Variants in SMG6 observed in about 807,000 individuals in gnomAD.
SMG6 encodes telomerase-binding protein EST1A.
Under a neutral mutation model 142.2 loss-of-function variants are expected in SMG6, and 66 were observed. The ratio of observed to expected loss-of-function variants is 0.46; its 90% CI spans 0.38 to 0.57. The LOEUF is 0.57. SMG6 is among the 20% of genes least tolerant of loss of function. The pLI, the probability that SMG6 is intolerant of heterozygous loss-of-function variation, is 0.00. For missense variants in SMG6, 1,793 were observed against 1,832.0 expected (o/e 0.98, Z 0.39); for synonymous variants, 779 against 702.4 (o/e 1.11, Z -1.72).
At chr17:2,301,524 G>A (rs943170813) in intron 1 of SMG6, among the ~76,000 whole-genome samples, 1 of 152,192 alleles carries the variant, frequency 6.6e-6, no homozygotes. Context: ...GGGAACTCAA[G>A]AATTAAGAAT....
intron 13 of SMG6, among the ~76,000 whole-genome samples, chr17:2,141,634 G>C (rs1279260661): frequency 2.0e-5 from 3 of 152,184 alleles, no homozygotes; most frequent in East Asian, 3.9e-4. Context: ...TGCAGAGGCA[G>C]GGTCTTGCTA....
At chr17:2,197,285 C>T (rs1219266025) in intron 10 of SMG6, among the ~76,000 whole-genome samples, 1 of 152,122 alleles carries the variant, frequency 6.6e-6, no homozygotes, top group Non-Finnish European at 1.5e-5. Flanking sequence ...AAAACCTGGC[C>T]AGGCGCGGTG....
chr17:2,156,402 A>G (rs1175329276), intron 13 of SMG6, among the ~76,000 whole-genome samples: 1 of 131,128 alleles, frequency 7.6e-6, no homozygotes, highest in Non-Finnish European at 1.8e-5. Flanking sequence ...TCAAAAAAAA[A>G]AAAAAAAAAA....
At position 2,297,250 on chromosome 17, in the gene SMG6, C is replaced by T. The variant is rs754940772; in HGVS notation, c.2144G>A (p.Arg715His). 1.9e-6 allele frequency: 3 copies of T among 1,600,814 alleles called. No individual in the cohort carries two copies. Among genetic ancestry groups the T allele is most frequent in the Admixed American group, 1.8e-5 (1 of 56,576 alleles). The change falls in exon 4 of 19, where the codon CGC becomes CAC. Residue 715 changes from arginine to histidine, a missense_variant. By Grantham distance (29) the Arg-to-His change is conservative (BLOSUM62 0). Transcript: ENST00000263073. ...ATAAAGAAGGTAGCTTACTGTCTTG[C>T]GTAATGGCTTGCTGCGAATGGCAAG... ...DGLAIRSKPL[R>H]KTVKYALISA...
At chr17:2,213,507 C>G (rs1399983277) in intron 10 of SMG6, among the ~76,000 whole-genome samples, 1 of 152,096 alleles carries the variant, frequency 6.6e-6, no homozygotes, top group Non-Finnish European at 1.5e-5. Flanking sequence ...GGCCATCATT[C>G]TTGAGGGTGT....
chr17:2,157,497 C>T (rs953324529), intron 13 of SMG6, among the ~76,000 whole-genome samples: 5 of 152,122 alleles, frequency 3.3e-5, no homozygotes, highest in Non-Finnish European at 2.9e-5. Context: ...TTTTGGTACC[C>T]CTATCACAAA....
At chr17:2,207,955 C>G (rs1004844214) in intron 10 of SMG6, among the ~76,000 whole-genome samples, 1 of 152,134 alleles carries the variant, frequency 6.6e-6, no homozygotes, top group Non-Finnish European at 1.5e-5. Context: ...AGACCACTGC[C>G]TTGCTTCTTT....
intron 4 of SMG6, among the ~76,000 whole-genome samples, chr17:2,294,979 C>T (rs2075115232): frequency 6.6e-6 from 1 of 151,862 alleles, no homozygotes; most frequent in African/African-American, 2.4e-5. Flanking sequence ...GGTTTTTAAG[C>T]GATTCTCCTG....
chr17:2,173,283 C>T (rs1209343633), intron 12 of SMG6: 1 of 209,828 alleles, frequency 4.8e-6, no homozygotes, highest in Non-Finnish European at 9.8e-6. Flanking sequence ...ACCAGCCTCT[C>T]CTCCTCCAGC....
At chr17:2,143,231 A>G (rs1255934028) in intron 13 of SMG6, among the ~76,000 whole-genome samples, 1 of 152,238 alleles carries the variant, frequency 6.6e-6, no homozygotes, top group Non-Finnish European at 1.5e-5. Flanking sequence ...CTAGGTATAT[A>G]TATCTAAGAG....
chr17:2,283,887 A>T, intron 6 of SMG6, 152 bp from the exon 7 acceptor site: 1 of 630,336 alleles, frequency 1.6e-6, no homozygotes. Context: ...TATCCACAGG[A>T]GAAGCCATTG....
At position 2,282,820 on chromosome 17, in the gene SMG6, G is replaced by A. The variant is rs1029404848; in HGVS notation, c.2488C>T (p.Leu830=). Reference sequence around the variant, plus strand: ...CCTTTCCGCCACTGGTCAGGGCTCAGGTCAAATTCCTCATGTTGCTTCTTT... The same window carrying A: ...CCTTTCCGCCACTGGTCAGGGCTCAAGTCAAATTCCTCATGTTGCTTCTTT... The part of the protein sequence containing the change: ...MEKKQHEEFD[L]SPDQWRKGKK... The change falls in exon 8 of 19, where the codon CTG becomes TTG. Residue 830 remains leucine (L), a synonymous_variant. Transcript: ENST00000263073. 20 of 1,614,016 alleles carry A rather than the reference G, an allele frequency of 1.2e-5. No homozygotes were observed. Among genetic ancestry groups the A allele is most frequent in the Non-Finnish European group, 1.7e-5 (20 of 1,180,040 alleles).
At chr17:2,188,210 C>A (rs1042245045) in intron 11 of SMG6, among the ~76,000 whole-genome samples, 189 bp downstream of exon 11, 1 of 151,920 alleles carries the variant, frequency 6.6e-6, no homozygotes, top group African/African-American at 2.4e-5. Context: ...GAGAAGAGGG[C>A]CTTAGAGGCA....
chr17:2,070,145 G>C (rs2068060936), intron 15 of SMG6, among the ~76,000 whole-genome samples: 1 of 152,210 alleles, frequency 6.6e-6, no homozygotes, highest in South Asian at 2.1e-4. Flanking sequence ...TCTCAGGGAA[G>C]TTCCCGAGAG....
chr17:2,188,957 A>G (rs2072077124), intron 10 of SMG6, among the ~76,000 whole-genome samples: 1 of 152,188 alleles, frequency 6.6e-6, no homozygotes, highest in South Asian at 2.1e-4. Flanking sequence ...CTACTGCCAT[A>G]CCACCCTGAA....
chr17:2,154,359 G>A (rs1232273286), intron 13 of SMG6, among the ~76,000 whole-genome samples: 1 of 152,074 alleles, frequency 6.6e-6, no homozygotes, highest in Non-Finnish European at 1.5e-5. Context: ...ATCTGGGGAT[G>A]CATCTAGAGT....
chr17:2,265,139 C>A (rs915483250), intron 8 of SMG6, among the ~76,000 whole-genome samples: 1 of 152,150 alleles, frequency 6.6e-6, no homozygotes, highest in Non-Finnish European at 1.5e-5. Context: ...ATCCCAGGAA[C>A]TGTTTGGAAG....
intron 10 of SMG6, among the ~76,000 whole-genome samples, chr17:2,234,920 C>T (rs1597669959): frequency 6.6e-6 from 1 of 152,164 alleles, no homozygotes; most frequent in Admixed American, 6.5e-5. Flanking sequence ...CCTAAAGAAG[C>T]CACAGGTCAT....
At chr17:2,211,290 T>C (rs2151746644) in intron 10 of SMG6, among the ~76,000 whole-genome samples, 1 of 152,236 alleles carries the variant, frequency 6.6e-6, no homozygotes, top group South Asian at 2.1e-4. Flanking sequence ...TAAACATTTT[T>C]AACAATAGCA....
Sources: gnomAD v4.1 joint callset for allele counts (sites outside exome capture counted in the v4.1 genomes callset) on GRCh38, gnomAD v4.1.1 for gene constraint, MANE v1.5 for transcripts, NCBI Gene and HGNC (gene_info 2026-07-23, HGNC 2026-07-21) for gene names.